LNX1: variants seen among roughly 807,000 people sequenced by gnomAD.
The protein encoded by LNX1 is ligand of numb-protein X 1.
Under a neutral mutation model 68.4 loss-of-function variants are expected in LNX1, and 54 were observed. The ratio of observed to expected loss-of-function variants is 0.79; its 90% CI spans 0.63 to 0.99. The LOEUF is 0.99. Ranked by LOEUF, LNX1 falls within the 50% of genes least tolerant of loss-of-function variation. LNX1 has a pLI of 0.00. For synonymous variants in LNX1, 336 were observed against 350.0 expected (o/e 0.96, Z 0.45); for missense variants, 906 against 926.4 (o/e 0.98, Z 0.29).
At chr4:53,492,652 A>G (rs35978987) in intron 6 of LNX1, among the ~76,000 whole-genome samples, 64,918 of 151,860 alleles carry the variant, frequency 0.43, 14,962 homozygotes, top group African/African-American at 0.6. Context: ...AAGAGGCTCC[A>G]GCCGTCACTC....
intron 6 of LNX1, among the ~76,000 whole-genome samples, chr4:53,493,743 T>G (rs1290532959): frequency 1.3e-5 from 2 of 152,228 alleles, no homozygotes; most frequent in African/African-American, 4.8e-5. Flanking sequence ...CTGCCTATTC[T>G]CAAAGTATGA....
chr4:53,576,103 T>G, intron 1 of LNX1: 2 of 1,553,424 alleles, frequency 1.3e-6, no homozygotes, highest in South Asian at 1.2e-5. Context: ...CAGCGTGGTA[T>G]TTGGGAGCCA....
At chr4:53,469,377 A>G (rs576944811) in intron 9 of LNX1, among the ~76,000 whole-genome samples, 40 of 152,348 alleles carry the variant, frequency 2.6e-4, no homozygotes, top group Middle Eastern at 6.8e-3. Flanking sequence ...GAATGCTCAC[A>G]AGAGAAAGCA....
intron 9 of LNX1, among the ~76,000 whole-genome samples, chr4:53,467,429 A>G (rs1722769844): frequency 6.6e-6 from 1 of 152,228 alleles, no homozygotes; most frequent in African/African-American, 2.4e-5. Context: ...TAAAAATCAG[A>G]GCGCCTCTCC....
intron 1 of LNX1, among the ~76,000 whole-genome samples, chr4:53,586,861 T>C (rs1296565594): frequency 2.6e-5 from 4 of 152,248 alleles, no homozygotes; most frequent in Non-Finnish European, 5.9e-5. Context: ...GTTTGCAATA[T>C]GCAAGATACT....
chr4:53,505,453 T>C (rs909111468), intron 4 of LNX1, among the ~76,000 whole-genome samples: 2 of 152,198 alleles, frequency 1.3e-5, no homozygotes, highest in South Asian at 4.2e-4. Flanking sequence ...GGTTTCACTG[T>C]GTTGGCCAGG....
At chr4:53,545,989 T>A (rs1387596298) in intron 2 of LNX1, among the ~76,000 whole-genome samples, 2 of 152,004 alleles carry the variant, frequency 1.3e-5, no homozygotes, top group East Asian at 3.9e-4. Flanking sequence ...GTATTTTTAG[T>A]AAAGACAGGG....
At chr4:53,507,499 T>C in intron 3 of LNX1, 30 bp from the exon 4 acceptor site, 2 of 1,606,946 alleles carry the variant, frequency 1.2e-6, no homozygotes, top group East Asian at 4.5e-5. Context: ...GGAACAGTAG[T>C]TATGATTTAA....
upstream of LNX1, among the ~76,000 whole-genome samples, chr4:53,621,331 C>A (rs1205321525): frequency 6.6e-6 from 1 of 152,172 alleles, no homozygotes; most frequent in Non-Finnish European, 1.5e-5. Flanking sequence ...TGTCCCTTTT[C>A]GGCATCACGC....
In LNX1 at chr4:53,476,960, T is replaced by C; in HGVS notation, c.1685A>G (p.Asp562Gly). The part of the protein sequence containing the change: ...IKTGDILLNV[D>G]GVELTEVSRS... ...GCTGACCTCTGTCAGTTCGACCCCA[T>C]CCACATTCAACAAAATGTCACCTGA... The change falls in exon 9 of 11, where the codon GAT becomes GGT. Residue 562 changes from aspartate (D) to glycine (G), a missense_variant. Transcript: ENST00000263925. 6.2e-7 allele frequency: 1 copy of C among 1,614,032 alleles called. No homozygotes were observed. The highest frequency in any genetic ancestry group is 8.5e-7 in the Non-Finnish European group (1 of 1,180,022).
intron 9 of LNX1, among the ~76,000 whole-genome samples, chr4:53,469,003 A>G (rs1259583663): frequency 6.6e-6 from 1 of 152,220 alleles, no homozygotes; most frequent in Non-Finnish European, 1.5e-5. Context: ...ATAGACATCT[A>G]CGGAACTCTC....
At chr4:53,588,760 T>C (rs1295392287) in intron 1 of LNX1, among the ~76,000 whole-genome samples, 1 of 152,122 alleles carries the variant, frequency 6.6e-6, no homozygotes, top group African/African-American at 2.4e-5. Context: ...GGCAAGCTAG[T>C]AGAACAGTAG....
intron 1 of LNX1, chr4:53,576,261 A>G (rs1731484956): frequency 1.1e-5 from 17 of 1,611,066 alleles, no homozygotes; most frequent in African/African-American, 1.3e-5. Context: ...TGAAGCTTTC[A>G]GATGGGTTAG....
At chr4:53,604,952 G>T (rs1733167540) in intron 2 of LNX1, among the ~76,000 whole-genome samples, 1 of 152,174 alleles carries the variant, frequency 6.6e-6, no homozygotes, top group Non-Finnish European at 1.5e-5. Context: ...CACAACCCGG[G>T]TGATTTGCAA....
intron 2 of LNX1, among the ~76,000 whole-genome samples, chr4:53,560,645 C>T (rs1730218894): frequency 6.6e-6 from 1 of 152,198 alleles, no homozygotes; most frequent in Non-Finnish European, 1.5e-5. Flanking sequence ...CTAATTCTTT[C>T]TGCCTGGAAC....
At chr4:53,462,940 A>G (rs1177163889) in intron 9 of LNX1, among the ~76,000 whole-genome samples, 1 of 152,148 alleles carries the variant, frequency 6.6e-6, no homozygotes, top group Non-Finnish European at 1.5e-5. Flanking sequence ...CTGACTCCTC[A>G]TGTACAAAGC....
intron 2 of LNX1, among the ~76,000 whole-genome samples, chr4:53,523,533 T>A (rs886766594): frequency 3.3e-5 from 5 of 152,184 alleles, no homozygotes; most frequent in African/African-American, 1.2e-4. Flanking sequence ...GTGATCTCCC[T>A]GCCTTGGCTT....
chr4:53,473,311 T>C (rs12505040), intron 9 of LNX1, among the ~76,000 whole-genome samples: 17,906 of 151,868 alleles, frequency 0.12, 1,143 homozygotes, highest in East Asian at 0.16. Context: ...AGAAATAATA[T>C]TGAAAACACA....
At chr4:53,505,162 T>G (rs941840525) in intron 4 of LNX1, among the ~76,000 whole-genome samples, 3 of 152,258 alleles carry the variant, frequency 2.0e-5, no homozygotes, top group African/African-American at 7.2e-5. Flanking sequence ...CATTTTATAT[T>G]CTTTATATAA....
Sources: gnomAD v4.1 joint callset for allele counts (sites outside exome capture counted in the v4.1 genomes callset) on GRCh38, gnomAD v4.1.1 for gene constraint, MANE v1.5 for transcripts, NCBI Gene and HGNC (gene_info 2026-07-23, HGNC 2026-07-21) for gene names.